The following NRG3 variants were observed in gnomAD, a reference collection of about 807,000 sequenced individuals.
NRG3 encodes the protein pro-neuregulin-3, membrane-bound isoform.
NRG3 carries 31 observed loss-of-function variants against 66.9 expected under a neutral mutation model. That is an observed-to-expected ratio of 0.46 (90% CI 0.35 to 0.63). The LOEUF is 0.63. Among genes scored for constraint, NRG3 ranks in the 20% least tolerant of loss-of-function variants. The pLI is 0.00. For synonymous variants in NRG3, 393 were observed against 359.4 expected (o/e 1.09, Z -1.06); for missense variants, 910 against 878.9 (o/e 1.04, Z -0.45).
At chr10:81,936,465 G>C (rs1476313339) in intron 1 of NRG3, among the ~76,000 whole-genome samples, 1 of 152,062 alleles carries the variant, frequency 6.6e-6, no homozygotes, top group Non-Finnish European at 1.5e-5. Context: ...ACTGTATTCT[G>C]ATAACTGTGA....
intron 1 of NRG3, among the ~76,000 whole-genome samples, chr10:82,124,563 CG>C (rs1223032612): frequency 1.3e-5 from 2 of 151,332 alleles, no homozygotes; most frequent in African/African-American, 2.4e-5. Flanking sequence ...CGGGGCCTGT[CG>C]GGGGGTGGAG....
chr10:82,295,986 G>C (rs1377231123), intron 1 of NRG3, among the ~76,000 whole-genome samples: 1 of 152,146 alleles, frequency 6.6e-6, no homozygotes, highest in East Asian at 1.9e-4. Context: ...CTGTGAAGAA[G>C]AGATCCTGGT....
At chr10:82,188,997 A>G (rs1453502474) in intron 1 of NRG3, among the ~76,000 whole-genome samples, 1 of 152,210 alleles carries the variant, frequency 6.6e-6, no homozygotes, top group Non-Finnish European at 1.5e-5. Flanking sequence ...AAAACTAAAA[A>G]CAAAAATTAA....
intron 2 of NRG3, among the ~76,000 whole-genome samples, chr10:82,558,597 G>A (rs1418572463): frequency 6.7e-6 from 1 of 148,930 alleles, no homozygotes; most frequent in Non-Finnish European, 1.5e-5. Context: ...GACAAATCAG[G>A]AAGAATGGGA....
chr10:82,076,965 A>T (rs930849289), intron 1 of NRG3, among the ~76,000 whole-genome samples: 5 of 152,176 alleles, frequency 3.3e-5, no homozygotes, highest in Admixed American at 3.3e-4. Context: ...AGGCATGTTG[A>T]TACTGGACTT....
chr10:82,571,382 T>TAA (rs2045727181), intron 2 of NRG3, among the ~76,000 whole-genome samples: 1 of 151,704 alleles, frequency 6.6e-6, no homozygotes, highest in Admixed American at 6.6e-5. Flanking sequence ...TGTAATCTGT[T>TAA]CAAGTTGATA....
At chr10:82,880,568 C>T (rs894552917) in intron 4 of NRG3, among the ~76,000 whole-genome samples, 1 of 152,078 alleles carries the variant, frequency 6.6e-6, no homozygotes. Context: ...TCCCTAGGAG[C>T]ATAATATAAA....
chr10:82,303,336 A>AACACACACAC (rs144860357), intron 1 of NRG3, among the ~76,000 whole-genome samples: 8,081 of 149,268 alleles, frequency 0.054, 568 homozygotes, highest in African/African-American at 0.16. Flanking sequence ...TGCGTGTATA[A>AACACACACAC]ACACACACAC....
At chr10:82,428,712 T>C (rs544596184) in intron 2 of NRG3, among the ~76,000 whole-genome samples, 1 of 152,082 alleles carries the variant, frequency 6.6e-6, no homozygotes, top group Non-Finnish European at 1.5e-5. Context: ...TATAGATGTC[T>C]GTTTAAGTCT....
At chr10:82,195,700 T>A (rs1242102465) in intron 1 of NRG3, among the ~76,000 whole-genome samples, 2 of 152,202 alleles carry the variant, frequency 1.3e-5, no homozygotes, top group Non-Finnish European at 2.9e-5. Context: ...GGAATTAAGG[T>A]TGCTAATCAG....
rs548254522 is a variant in NRG3 at position 82,547,959 on chromosome 10, T to C, written c.953+189091T>C. ...GACTTATTTTCAAATTGGCCTGTGA[T>C]ATGAATAGTGTGGTACAGGAAAGAA... On this transcript the variant is annotated intron_variant, in intron 2 of 8. Transcript: ENST00000372141. Among the ~76,000 whole-genome samples the C allele has an allele frequency of 2.0e-5, 3 of 151,654 alleles. No individual in the cohort carries two copies. The East Asian group carries it at 5.9e-4, about 30-fold the overall frequency.
At chr10:82,013,553 A>G (rs1197618073) in intron 1 of NRG3, among the ~76,000 whole-genome samples, 1 of 152,148 alleles carries the variant, frequency 6.6e-6, no homozygotes, top group Non-Finnish European at 1.5e-5. Flanking sequence ...ATAAATTTGG[A>G]GACTTTAAGT....
Position 82,443,250 on chromosome 10 carries a change from T to C in NRG3, c.953+84382T>C, listed in dbSNP as rs568829822. On this transcript the variant is annotated intron_variant, in intron 2 of 8. Coordinates refer to ENST00000372141, the MANE Select transcript of NRG3 (RefSeq NM_001010848.4). ...CCATTGTGATATCCCACTTGACACA[T>C]CACGATTACAAATGATGAGTAGCCT... 2.0e-5 allele frequency among the ~76,000 whole-genome samples: 3 copies of C among 152,184 alleles called. No individual in the cohort carries two copies. In the South Asian group the frequency reaches 6.2e-4, roughly 32 times the overall value.
intron 3 of NRG3, chr10:82,859,165 T>G (rs2063977079): frequency 6.6e-6 from 1 of 152,258 alleles, no homozygotes; most frequent in African/African-American, 2.4e-5. Flanking sequence ...ACCAGGATGG[T>G]CTCAATTTCC....
intron 1 of NRG3, among the ~76,000 whole-genome samples, chr10:82,328,717 C>T (rs1051183306): frequency 3.3e-5 from 5 of 152,122 alleles, no homozygotes; most frequent in African/African-American, 1.2e-4. Flanking sequence ...TCACAGAAAC[C>T]TCCTGGCATG....
At chr10:82,820,759 G>A (rs1029621679) in intron 3 of NRG3, among the ~76,000 whole-genome samples, 2 of 152,158 alleles carry the variant, frequency 1.3e-5, no homozygotes, top group Admixed American at 6.5e-5. Context: ...TTTCAGATTT[G>A]AGTTCATCTT....
intron 4 of NRG3, among the ~76,000 whole-genome samples, chr10:82,936,810 A>G (rs925421003): frequency 6.6e-6 from 1 of 152,214 alleles, no homozygotes; most frequent in Non-Finnish European, 1.5e-5. Flanking sequence ...CAACTGTTAA[A>G]CATAGGAGTA....
In NRG3 at chr10:81,936,667, G is replaced by A. The variant is rs538121336; in HGVS notation, c.823+60504G>A. ...TTATTTTGGTTTTGCTCCGTAAGGT[G>A]GTTGGGGCCGAAGCTCTTTCTAACT... On this transcript the variant is annotated intron_variant, in intron 1 of 8. Coordinates refer to ENST00000372141, the MANE Select transcript of NRG3 (RefSeq NM_001010848.4). Among the ~76,000 whole-genome samples the A allele has an allele frequency of 3.9e-5, 6 of 152,152 alleles. No individual in the cohort carries two copies. In the East Asian group the frequency reaches 9.7e-4, roughly 25 times the overall value.
At chr10:82,535,683 G>A (rs1279024884) in intron 2 of NRG3, among the ~76,000 whole-genome samples, 1 of 152,108 alleles carries the variant, frequency 6.6e-6, no homozygotes, top group Non-Finnish European at 1.5e-5. Context: ...CACAGATTTT[G>A]AAAAGAGCCA....
Sources: gnomAD v4.1 joint callset for allele counts (sites outside exome capture counted in the v4.1 genomes callset) on GRCh38, gnomAD v4.1.1 for gene constraint, MANE v1.5 for transcripts, NCBI Gene and HGNC (gene_info 2026-07-23, HGNC 2026-07-21) for gene names.